Variants in FAM8A1 observed in about 807,000 individuals in gnomAD.
FAM8A1 encodes family with sequence similarity 8 member A1.
FAM8A1 carries 18 observed loss-of-function variants against 38.3 expected under a neutral mutation model. The ratio of observed to expected loss-of-function variants is 0.47; its 90% CI spans 0.33 to 0.70. The LOEUF (loss-of-function observed/expected upper bound fraction) is 0.70. Among genes scored for constraint, FAM8A1 ranks in the 30% least tolerant of loss-of-function variants. FAM8A1 has a pLI of 0.03. For synonymous variants in FAM8A1, 246 were observed against 234.4 expected (o/e 1.05, Z -0.45); for missense variants, 559 against 559.6 (o/e 1.00, Z 0.01).
intron 4 of FAM8A1, among the ~76,000 whole-genome samples, chr6:17,607,495 T>G: frequency 6.6e-6 from 1 of 152,184 alleles, no homozygotes; most frequent in Middle Eastern, 3.4e-3. Context: ...GTAGTATCTA[T>G]ATACTATAGG....
chr6:17,606,814 CTG>C (rs1205645554), intron 4 of FAM8A1, among the ~76,000 whole-genome samples: 1 of 152,102 alleles, frequency 6.6e-6, no homozygotes, highest in African/African-American at 2.4e-5. Context: ...ATAATGGAAA[CTG>C]TGGAGGTCAG....
Position 17,600,470 on chromosome 6 carries a change from G to T in FAM8A1, c.61G>T (p.Asp21Tyr), listed in dbSNP as rs201413519. The T allele has an allele frequency of 1.4e-4, 205 of 1,508,282 alleles. No individual in the cohort carries two copies. The African/African-American group carries it at 2.7e-3, about 20-fold the overall frequency. The allele number at this position is 1,508,282 out of a possible 1,614,324, so 93.4% of individuals were successfully genotyped here. Reference sequence around the variant, plus strand: ...TCCCGGGCAGGACGATGGCGGAGGGGACCACGAGCCCGTCCCTTCCCTGAG... The same window carrying T: ...TCCCGGGCAGGACGATGGCGGAGGGTACCACGAGCCCGTCCCTTCCCTGAG... ...HPPGQDDGGG[D>Y]HEPVPSLRGP... The change falls in exon 1 of 5, where the codon GAC (aspartate) becomes TAC (tyrosine). Residue 21 changes from aspartate to tyrosine, a missense_variant. By Grantham distance (160) the Asp-to-Tyr change is radical. Coordinates refer to ENST00000259963, the MANE Select transcript of FAM8A1 (RefSeq NM_016255.3).
rs1764122984 is a variant in FAM8A1, at chr6:17,610,385, G to A, written c.*2046G>A. ...ATGAGTTATTCAGATTAGTATCTAT[G>A]TAGGTTCAGTCAGATCCAACCATGG... On this transcript the variant is annotated 3_prime_UTR_variant, in exon 5 of 5. Transcript: ENST00000259963. 1 of 152,086 alleles carries A rather than the reference G, an allele frequency of 6.6e-6. No homozygotes were observed. The highest frequency in any genetic ancestry group is 2.4e-5 in the African/African-American group (1 of 41,428). 9.4% of individuals were successfully genotyped at this position (152,086 alleles called of 1,614,324 possible). A position where few individuals can be genotyped will look rare whatever the true frequency, so the allele number is the denominator to read the frequency against.
In FAM8A1 at chr6:17,600,399, C is replaced by T; in HGVS notation, c.-11C>T. ...GTGACAGGTATCCCAGAGGGTGCTG[C>T]TGAGGCGACGATGGCCGAGGGGCCC... On this transcript the variant is annotated 5_prime_UTR_variant, in exon 1 of 5. Coordinates refer to ENST00000259963, the MANE Select transcript of FAM8A1 (RefSeq NM_016255.3). 7.1e-7 allele frequency: 1 copy of T among 1,408,414 alleles called. No homozygotes were observed. The highest frequency in any genetic ancestry group is 9.3e-7 in the Non-Finnish European group (1 of 1,080,724). The allele number at this position is 1,408,414 out of a possible 1,614,324, so 87.2% of individuals were successfully genotyped here. A position where few individuals can be genotyped will look rare whatever the true frequency, so the allele number is the denominator to read the frequency against.
At chr6:17,606,126 A>G in intron 4 of FAM8A1, 113 bp downstream of exon 4, 1 of 700,664 alleles carries the variant, frequency 1.4e-6, no homozygotes, top group South Asian at 5.0e-5. Flanking sequence ...AAGTTAAAAC[A>G]AAGTTTGAAT....
chr6:17,602,280 G>A (rs1378485607), intron 1 of FAM8A1, among the ~76,000 whole-genome samples: 4 of 152,222 alleles, frequency 2.6e-5, no homozygotes, highest in Non-Finnish European at 4.4e-5. Context: ...CAAGCAATCT[G>A]CCCGCCTCGG....
intron 2 of FAM8A1, among the ~76,000 whole-genome samples, chr6:17,603,029 C>T (rs1267959723): frequency 6.6e-6 from 1 of 152,214 alleles, no homozygotes; most frequent in African/African-American, 2.4e-5. Context: ...TCTCACTATC[C>T]TGTTCCCTCT....
Position 17,609,759 on chromosome 6 carries a change from T to C in FAM8A1, c.*1420T>C, listed in dbSNP as rs1162315703. ...CTGCATTGCACAGTTCAAAATTTGA[T>C]TACTTAAGGGATCAATCTAGGTGGT... On this transcript the variant is annotated 3_prime_UTR_variant, in exon 5 of 5. Transcript: ENST00000259963. The C allele has an allele frequency of 6.6e-6, 1 of 152,192 alleles. No individual in the cohort carries two copies. Among genetic ancestry groups the C allele is most frequent in the Non-Finnish European group, 1.5e-5 (1 of 68,018 alleles). 9.4% of individuals were successfully genotyped at this position (152,192 alleles called of 1,614,324 possible). A position where few individuals can be genotyped will look rare whatever the true frequency, so the allele number is the denominator to read the frequency against.
chr6:17,609,087 G>A lies in FAM8A1; in HGVS notation c.*748G>A, dbSNP rs1409510205. On this transcript the variant is annotated 3_prime_UTR_variant, in exon 5 of 5. Coordinates refer to ENST00000259963, the MANE Select transcript of FAM8A1 (RefSeq NM_016255.3). ...AGTTAGTGATTACTGTTAATGGTGG[G>A]GGAGTAAGTTTTCACTGTAAATTGA... 2 of 152,024 alleles carry A rather than the reference G, an allele frequency of 1.3e-5. No individual in the cohort carries two copies. Among genetic ancestry groups the A allele is most frequent in the African/African-American group, 4.8e-5 (2 of 41,392 alleles). The allele number at this position is 152,024 out of a possible 1,614,324, so 9.4% of individuals were successfully genotyped here.
At chr6:17,607,996 G>C (rs945027658) in intron 4 of FAM8A1, among the ~76,000 whole-genome samples, 199 bp from the exon 5 acceptor site, 19 of 152,316 alleles carry the variant, frequency 1.2e-4, no homozygotes, top group African/African-American at 4.3e-4. Context: ...CAGGTGGTTT[G>C]ATCATGATAC....
At chr6:17,603,646 T>C (rs1764015545) in intron 2 of FAM8A1, among the ~76,000 whole-genome samples, 1 of 152,116 alleles carries the variant, frequency 6.6e-6, no homozygotes, top group Non-Finnish European at 1.5e-5. Context: ...AGTACAATTA[T>C]GGCTCACTGC....
chr6:17,601,258 A>G (rs913847351), intron 1 of FAM8A1, 137 bp downstream of exon 1: 31 of 1,221,580 alleles, frequency 2.5e-5, no homozygotes, highest in Non-Finnish European at 3.2e-5. Flanking sequence ...TTCACTAGCT[A>G]TCGTTTGTCC....
chr6:17,605,088 T>A, intron 3 of FAM8A1, 59 bp downstream of exon 3: 1 of 1,491,314 alleles, frequency 6.7e-7, no homozygotes, highest in South Asian at 1.2e-5. Flanking sequence ...TGTTTTTACA[T>A]TTATTTTTTT....
rs936704262 is a variant in FAM8A1 at position 17,610,136 on chromosome 6, G to A, written c.*1797G>A. 7.9e-5 allele frequency: 12 copies of A among 151,994 alleles called. No homozygotes were observed. Among genetic ancestry groups the A allele is most frequent in the Non-Finnish European group, 8.8e-5 (6 of 67,972 alleles). The allele number at this position is 151,994 out of a possible 1,614,324, so 9.4% of individuals were successfully genotyped here. ...AGATGTTACGTAACTTGGCACTTTA[G>A]TAGTGTATACACTAGCATTAGTTTA... is the stretch of plus-strand genomic sequence containing the variant. On this transcript the variant is annotated 3_prime_UTR_variant, in exon 5 of 5. Coordinates refer to ENST00000259963, the MANE Select transcript of FAM8A1 (RefSeq NM_016255.3).
chr6:17,604,923 C>T lies in FAM8A1; in HGVS notation c.851C>T (p.Ala284Val). ...TTGTGTAGGGATATCTCTAAGTTTG[C>T]TATGCATTATATAATAGAAGAAATA... Reference protein sequence around the residue: ...LSGIKDISKFAMHYIIEEIDE... With the variant: ...LSGIKDISKFVMHYIIEEIDE... The change falls in exon 3 of 5, where the codon GCT becomes GTT. Residue 284 changes from alanine to valine, a missense_variant. By Grantham distance (64) the Ala-to-Val change is moderately conservative. This residue lies in a region of FAM8A1 where 166 missense variants were observed against 220.8 expected (regional missense o/e 0.75). Coordinates refer to ENST00000259963, the MANE Select transcript of FAM8A1 (RefSeq NM_016255.3). 1 of 1,592,770 alleles carries T rather than the reference C, an allele frequency of 6.3e-7. No individual in the cohort carries two copies. Among genetic ancestry groups the T allele is most frequent in the Non-Finnish European group, 8.6e-7 (1 of 1,168,914 alleles).
At chr6:17,607,825 G>T (rs542009014) in intron 4 of FAM8A1, among the ~76,000 whole-genome samples, 1 of 152,224 alleles carries the variant, frequency 6.6e-6, no homozygotes, top group South Asian at 2.1e-4. Flanking sequence ...TTTCTATAAG[G>T]TAGACAAATG....
At chr6:17,608,170 T>C (rs1406420818) in intron 4 of FAM8A1, 25 bp from the exon 5 acceptor site, 2 of 1,612,052 alleles carry the variant, frequency 1.2e-6, no homozygotes, top group Non-Finnish European at 1.7e-6. Flanking sequence ...GTAACTTACC[T>C]GATATTTTTG....
Position 17,609,407 on chromosome 6 carries a change from T to A in FAM8A1, c.*1068T>A, listed in dbSNP as rs1764105667. On this transcript the variant is annotated 3_prime_UTR_variant, in exon 5 of 5. Coordinates refer to ENST00000259963, the MANE Select transcript of FAM8A1 (RefSeq NM_016255.3). Reference sequence around the variant, plus strand: ...CTCTAAGTACTATTAATTAATAGCTTGCGAAATATTAGCAATTTTCCCATT... The same window carrying A: ...CTCTAAGTACTATTAATTAATAGCTAGCGAAATATTAGCAATTTTCCCATT... 1 of 152,124 alleles carries A rather than the reference T, an allele frequency of 6.6e-6. No homozygotes were observed. The highest frequency in any genetic ancestry group is 1.5e-5 in the Non-Finnish European group (1 of 68,032). 9.4% of individuals were successfully genotyped at this position (152,124 alleles called of 1,614,324 possible).
intron 3 of FAM8A1, among the ~76,000 whole-genome samples, chr6:17,605,382 CAAT>C (rs1253119976): frequency 6.6e-6 from 1 of 152,142 alleles, no homozygotes; most frequent in Non-Finnish European, 1.5e-5. Context: ...ACCTAGCCAA[CAAT>C]CTAATTTTAG....
Sources: gnomAD v4.1 joint callset for allele counts (sites outside exome capture counted in the v4.1 genomes callset) on GRCh38, gnomAD v4.1.1 for gene constraint, gnomAD v4.1.1 regional missense constraint, MANE v1.5 for transcripts, NCBI Gene and HGNC (gene_info 2026-07-23, HGNC 2026-07-21) for gene names.